ADA2: variants seen among roughly 807,000 people sequenced by gnomAD.
ADA2 encodes adenosine deaminase 2, also known as adenosine deaminase CECR1.
ADA2 carries 29 observed loss-of-function variants against 44.2 expected under a neutral mutation model. The ratio of observed to expected loss-of-function variants is 0.66; its 90% CI spans 0.49 to 0.89. The LOEUF is 0.89. Ranked by LOEUF, ADA2 falls within the 40% of genes least tolerant of loss-of-function variation. ADA2 has a pLI of 0.00. For missense variants in ADA2, 637 were observed against 644.8 expected (o/e 0.99, Z 0.13); for synonymous variants, 215 against 234.9 (o/e 0.92, Z 0.77).
intron 1 of ADA2, among the ~76,000 whole-genome samples, chr22:17,215,153 CAT>C (rs2062457168): frequency 6.6e-6 from 1 of 152,158 alleles, no homozygotes; most frequent in South Asian, 2.1e-4. Context: ...TGTGGACATA[CAT>C]ACTGAAAGAA....
intron 4 of ADA2, among the ~76,000 whole-genome samples, chr22:17,200,364 G>C (rs2062263673): frequency 6.6e-6 from 1 of 152,096 alleles, no homozygotes; most frequent in East Asian, 1.9e-4. Context: ...AGGATGATTT[G>C]TGTCCTGTGT....
intron 4 of ADA2, among the ~76,000 whole-genome samples, chr22:17,192,165 G>A (rs1468408870): frequency 6.6e-6 from 1 of 152,034 alleles, no homozygotes; most frequent in African/African-American, 2.4e-5. Flanking sequence ...TACGGCCTTG[G>A]GCATTGTCTC....
At position 17,200,293 on chromosome 22, in the gene ADA2, C is replaced by G. The variant is rs116254713; in HGVS notation, c.753+3270G>C. 4.2e-3 allele frequency among the ~76,000 whole-genome samples: 634 copies of G among 152,240 alleles called. 4 individuals carry two copies. The highest frequency in any genetic ancestry group is 0.015 in the African/African-American group (608 of 41,548). ...AAGTCAGCTCATCAATTTTTGCCAGCGCCTCCCTTTTCAGAAATTCTTTTC... is the reference window on the plus strand; with the variant it reads ...AAGTCAGCTCATCAATTTTTGCCAGGGCCTCCCTTTTCAGAAATTCTTTTC... On this transcript the variant is annotated intron_variant, in intron 4 of 9. Coordinates refer to ENST00000399837, the MANE Select transcript of ADA2 (RefSeq NM_001282225.2).
At chr22:17,198,038 C>CAAA (rs35766953) in intron 4 of ADA2, among the ~76,000 whole-genome samples, 6 of 107,126 alleles carry the variant, frequency 5.6e-5, no homozygotes, top group South Asian at 2.6e-4. Flanking sequence ...AACTCCGTCT[C>CAAA]AAAAAAAAAA....
Position 17,207,064 on chromosome 22 carries a change from T to C in ADA2, c.542+7A>G, listed in dbSNP as rs149078840. 519 of 1,610,002 alleles carry C rather than the reference T, an allele frequency of 3.2e-4. No homozygotes were observed. The African/African-American group carries it at 5.0e-3, about 16-fold the overall frequency. On this transcript the variant is annotated splice_region_variant and intron_variant, in intron 3 of 9. Transcript: ENST00000399837. The stretch of plus-strand genomic sequence containing the variant: ...CTGGGACATGTGCTTTCTGAACTAC[T>C]ACTCACCTGTCATCAAACTCAGTGA...
intron 8 of ADA2, 114 bp downstream of exon 8, chr22:17,182,490 G>A (rs1216631065): frequency 9.6e-7 from 1 of 1,045,530 alleles, no homozygotes; most frequent in East Asian, 2.4e-5. Context: ...AGAGTGGAGG[G>A]ATGTAGGTAA....
At chr22:17,184,506 C>G (rs1453285193) in intron 7 of ADA2, among the ~76,000 whole-genome samples, 4 of 152,164 alleles carry the variant, frequency 2.6e-5, no homozygotes, top group African/African-American at 4.8e-5. Context: ...GGGGCAGAAT[C>G]ACCCACACAA....
intron 9 of ADA2, 24 bp downstream of exon 9, chr22:17,181,796 C>T (rs748583065): frequency 1.2e-5 from 19 of 1,601,128 alleles, no homozygotes; most frequent in Non-Finnish European, 1.5e-5. Context: ...AGGCGGGGGA[C>T]CTGGGAGGAC....
rs145508001 is a variant in ADA2 at position 17,201,577 on chromosome 22, T to C, written c.753+1986A>G. Reference sequence around the variant, plus strand: ...CCAAAGGTCACTTTCCCCAAGCCACTGATAACCTTTAACCAGCTCAAACCC... The same window carrying C: ...CCAAAGGTCACTTTCCCCAAGCCACCGATAACCTTTAACCAGCTCAAACCC... On this transcript the variant is annotated intron_variant, in intron 4 of 9. Transcript: ENST00000399837. Among the ~76,000 whole-genome samples the C allele has an allele frequency of 4.8e-3, 729 of 152,270 alleles. 5 individuals carry two copies. Among genetic ancestry groups the C allele is most frequent in the African/African-American group, 0.017 (712 of 41,540 alleles).
intron 4 of ADA2, 115 bp from the exon 5 acceptor site, chr22:17,191,925 T>C (rs2062121436): frequency 2.1e-6 from 2 of 934,646 alleles, no homozygotes; most frequent in South Asian, 2.0e-5. Context: ...ACCACCCCCT[T>C]CCCAGCCACC....
chr22:17,192,173 C>T (rs1178893672), intron 4 of ADA2, among the ~76,000 whole-genome samples: 2 of 152,110 alleles, frequency 1.3e-5, no homozygotes, highest in African/African-American at 2.4e-5. Flanking sequence ...TGGGCATTGT[C>T]TCTGCTGCTG....
Position 17,183,455 on chromosome 22 carries a change from TC to T in ADA2, c.1082-695del, listed in dbSNP as rs1237507035. Among the ~76,000 whole-genome samples, 187 of 81,446 alleles carry T rather than the reference TC, an allele frequency of 2.3e-3. 2 individuals carry two copies. The highest frequency in any genetic ancestry group is 5.1e-3 in the African/African-American group (97 of 18,990). 53.4% of individuals were successfully genotyped at this position (81,446 alleles called of 152,430 possible). The stretch of plus-strand genomic sequence containing the variant: ...TTTCCTTCTTCCTCTTTTGTGGCAC[TC>T]TTTTTTTTTTTTTTTTTTTTTTGAG... On this transcript the variant is annotated intron_variant, in intron 7 of 9. Coordinates refer to ENST00000399837, the MANE Select transcript of ADA2 (RefSeq NM_001282225.2).
chr22:17,220,726 C>G (rs1342137216), upstream of ADA2, among the ~76,000 whole-genome samples: 2 of 152,096 alleles, frequency 1.3e-5, no homozygotes, highest in Non-Finnish European at 2.9e-5. Flanking sequence ...CCCCCAAAAG[C>G]CCACGGCAGT....
intron 3 of ADA2, 60 bp from the exon 4 acceptor site, chr22:17,203,833 G>A (rs1331588331): frequency 5.1e-6 from 6 of 1,182,406 alleles, no homozygotes; most frequent in South Asian, 2.6e-5. Flanking sequence ...GCCCCCGGGC[G>A]CCCATAGGAC....
chr22:17,202,523 T>C (rs576670582), intron 4 of ADA2, among the ~76,000 whole-genome samples: 115 of 152,214 alleles, frequency 7.6e-4, no homozygotes, highest in African/African-American at 2.8e-3. Flanking sequence ...AGCCTTAGCC[T>C]CCCAAAGTGC....
At chr22:17,199,446 T>TCCCTCCCCTACTCTATCCTCTTCCCCA in intron 4 of ADA2, 1 of 917,628 alleles carries the variant, frequency 1.1e-6, no homozygotes, top group Non-Finnish European at 1.7e-6. Flanking sequence ...CCTCTTCCCC[T>TCCCTCCCCTACTCTATCCTCTTCCCCA]CCACCCACGA....
chr22:17,184,184 T>C (rs1454175151), intron 7 of ADA2, among the ~76,000 whole-genome samples: 1 of 151,314 alleles, frequency 6.6e-6, no homozygotes, highest in Admixed American at 6.6e-5. Flanking sequence ...CAGGATGGTC[T>C]CGATCACCTG....
chr22:17,219,882 G>A (rs755101978), upstream of ADA2, among the ~76,000 whole-genome samples: 2 of 151,816 alleles, frequency 1.3e-5, no homozygotes, highest in South Asian at 2.1e-4. Flanking sequence ...CACCATGTTG[G>A]TCAGGCTGCT....
chr22:17,220,283 A>G (rs919429108), upstream of ADA2, among the ~76,000 whole-genome samples: 1 of 152,170 alleles, frequency 6.6e-6, no homozygotes, highest in African/African-American at 2.4e-5. Context: ...GAAGAGGACC[A>G]GCAAGAACAA....
Sources: gnomAD v4.1 joint callset for allele counts (sites outside exome capture counted in the v4.1 genomes callset) on GRCh38, gnomAD v4.1.1 for gene constraint, MANE v1.5 for transcripts, NCBI Gene and HGNC (gene_info 2026-07-23, HGNC 2026-07-21) for gene names.